PCDH15: variants seen among roughly 807,000 people sequenced by gnomAD.
PCDH15 encodes the protein protocadherin-15.
A neutral mutation model predicts 178.5 loss-of-function variants in PCDH15; 129 were observed. The observed-to-expected ratio is 0.72, with a 90% CI of 0.63 to 0.84. The LOEUF is 0.84. PCDH15 is among the 40% of genes least tolerant of loss of function. The pLI, the probability that PCDH15 is intolerant of heterozygous loss-of-function variation, is 0.00. For missense variants in PCDH15, 2,230 were observed against 2,099.9 expected, an observed-to-expected ratio of 1.06 and a Z score of -1.21; for synonymous variants, 800 against 732.0, an observed-to-expected ratio of 1.09 and a Z score of -1.50.
rs146705095 is a variant in PCDH15 at position 54,093,588 on chromosome 10, A to C, written c.1918-3525T>G. Among the ~76,000 whole-genome samples, 1,036 of 152,262 alleles carry C rather than the reference A, an allele frequency of 6.8e-3. 15 individuals are homozygous for C. The highest frequency in any genetic ancestry group is 0.024 in the African/African-American group (984 of 41,578). ...GATTATGTGTGTATATGTGCCCTAA[A>C]CATATTTCTATCAGCAATATTTAAA... On this transcript the variant is annotated intron_variant, in intron 15 of 37. Transcript: ENST00000644397.
rs143125384 is a variant in PCDH15 at position 55,384,772 on chromosome 10, C to T, written c.-155-218121G>A. Among the ~76,000 whole-genome samples the T allele has an allele frequency of 1.7e-3, 253 of 152,088 alleles. 1 individual carries two copies. Among genetic ancestry groups the T allele is most frequent in the African/African-American group, 5.4e-3 (223 of 41,522 alleles). On this transcript the variant is annotated intron_variant, in intron 2 of 5. Transcript: ENST00000613346. ...GATAATATGAATTCAATAAATAGGA[C>T]GTCAGATTTTGGAATTCTTTCTTTA...
intron 1 of PCDH15, among the ~76,000 whole-genome samples, chr10:55,176,197 C>T (rs1839479535): frequency 6.6e-6 from 1 of 152,074 alleles, no homozygotes. Flanking sequence ...TCTTCTCCTC[C>T]CTCAGTACGA....
At chr10:55,329,896 C>T (rs1050146008) in intron 2 of PCDH15, among the ~76,000 whole-genome samples, 1 of 151,580 alleles carries the variant, frequency 6.6e-6, no homozygotes, top group East Asian at 1.9e-4. Flanking sequence ...AAATATGTAA[C>T]TGTTTAATTA....
At chr10:54,354,054 C>T (rs9416312) in intron 5 of PCDH15, among the ~76,000 whole-genome samples, 17,479 of 152,104 alleles carry the variant, frequency 0.11, 1,781 homozygotes, top group African/African-American at 0.28. Flanking sequence ...GGCACAATCT[C>T]GGCTCACCGC....
At chr10:55,075,327 T>C in intron 2 of PCDH15, among the ~76,000 whole-genome samples, 1 of 132,436 alleles carries the variant, frequency 7.6e-6, no homozygotes, top group Non-Finnish European at 1.7e-5. Context: ...TGTCTCTTTA[T>C]CTTTGTTAGC....
At chr10:55,594,831 G>A (rs1842908561) in intron 2 of PCDH15, among the ~76,000 whole-genome samples, 1 of 151,978 alleles carries the variant, frequency 6.6e-6, no homozygotes, top group Admixed American at 6.6e-5. Flanking sequence ...AGTGTCACTG[G>A]ACTGGTGATG....
chr10:54,789,682 C>T (rs1445677660), intron 1 of PCDH15, among the ~76,000 whole-genome samples: 1 of 151,926 alleles, frequency 6.6e-6, no homozygotes, highest in Non-Finnish European at 1.5e-5. Flanking sequence ...AATCATCCCA[C>T]AATCACCTTT....
intron 28 of PCDH15, among the ~76,000 whole-genome samples, chr10:53,848,503 C>T (rs919029844): frequency 4.6e-5 from 7 of 151,904 alleles, no homozygotes; most frequent in African/African-American, 7.2e-5. Flanking sequence ...TAAGATTAAC[C>T]GCTCAATCTT....
intron 3 of PCDH15, among the ~76,000 whole-genome samples, chr10:54,499,070 G>C (rs1247009336): frequency 6.6e-6 from 1 of 152,114 alleles, no homozygotes; most frequent in Non-Finnish European, 1.5e-5. Flanking sequence ...CAATATTGGG[G>C]ATTACAATTC....
intron 2 of PCDH15, among the ~76,000 whole-genome samples, chr10:55,331,410 A>T (rs1256246235): frequency 6.6e-6 from 1 of 152,050 alleles, no homozygotes; most frequent in Non-Finnish European, 1.5e-5. Context: ...AATGGTTACA[A>T]TATTTTTTAG....
chr10:55,222,740 T>C (rs199785362), intron 1 of PCDH15, among the ~76,000 whole-genome samples: 67,301 of 102,408 alleles, frequency 0.66, 18,859 homozygotes, highest in South Asian at 0.68. Context: ...CATATATATA[T>C]ATATATATAT....
intron 15 of PCDH15, among the ~76,000 whole-genome samples, chr10:54,129,190 A>G (rs1005657863): frequency 1.3e-5 from 2 of 152,194 alleles, no homozygotes; most frequent in Non-Finnish European, 2.9e-5. Context: ...ACATATGTCA[A>G]AGAAATATAG....
intron 3 of PCDH15, among the ~76,000 whole-genome samples, chr10:54,514,309 A>G (rs1251710369): frequency 6.6e-6 from 1 of 152,122 alleles, no homozygotes; most frequent in Non-Finnish European, 1.5e-5. Flanking sequence ...TAATGTTCAC[A>G]CAGCTTCCTA....
chr10:54,891,393 G>A (rs561646320), intron 3 of PCDH15, among the ~76,000 whole-genome samples: 1 of 152,190 alleles, frequency 6.6e-6, no homozygotes, highest in South Asian at 2.1e-4. Flanking sequence ...AAGCAACATA[G>A]GATTCAGATC....
chr10:54,615,312 G>T (rs1590542648), intron 2 of PCDH15, among the ~76,000 whole-genome samples: 2 of 152,162 alleles, frequency 1.3e-5, no homozygotes, highest in South Asian at 2.1e-4. Context: ...ACAATGTTTT[G>T]TATAGAAGTA....
At chr10:55,214,586 C>T (rs2132174829) in intron 1 of PCDH15, among the ~76,000 whole-genome samples, 1 of 151,602 alleles carries the variant, frequency 6.6e-6, no homozygotes, top group South Asian at 2.1e-4. Flanking sequence ...GAAAGGGTTA[C>T]ATTTTCCTGG....
chr10:54,307,021 T>C (rs2060521821), intron 8 of PCDH15, among the ~76,000 whole-genome samples: 2 of 35,708 alleles, frequency 5.6e-5, no homozygotes, highest in African/African-American at 1.1e-4. Flanking sequence ...TATACATATA[T>C]ATATATATGT....
At chr10:55,349,003 C>T (rs1844836656) in intron 2 of PCDH15, among the ~76,000 whole-genome samples, 2 of 152,078 alleles carry the variant, frequency 1.3e-5, no homozygotes. Context: ...ACAAAGCTAC[C>T]AGAGAGATGA....
At chr10:53,965,111 G>T in intron 21 of PCDH15, among the ~76,000 whole-genome samples, 1 of 150,254 alleles carries the variant, frequency 6.7e-6, no homozygotes, top group South Asian at 2.1e-4. Context: ...GGGCTGGAGT[G>T]CAGTTGCACG....
Sources: gnomAD v4.1 joint callset for allele counts (sites outside exome capture counted in the v4.1 genomes callset) on GRCh38, gnomAD v4.1.1 for gene constraint, MANE v1.5 for transcripts, NCBI Gene and HGNC (gene_info 2026-07-23, HGNC 2026-07-21) for gene names.